GRM7: variants seen among roughly 807,000 people sequenced by gnomAD.
GRM7 encodes glutamate metabotropic receptor 7, also known as metabotropic glutamate receptor 7.
GRM7 carries 35 observed loss-of-function variants against 84.5 expected under a neutral mutation model. The ratio of observed to expected loss-of-function variants is 0.41; its 90% CI spans 0.32 to 0.55. The LOEUF (loss-of-function observed/expected upper bound fraction) is 0.55. Among genes scored for constraint, GRM7 ranks in the 20% least tolerant of loss-of-function variants. The pLI is 0.19. For synonymous variants in GRM7, 487 were observed against 455.1 expected, an observed-to-expected ratio of 1.07 and a Z score of -0.89; for missense variants, 1,003 against 1,194.6, an observed-to-expected ratio of 0.84 and a Z score of 2.36.
intron 9 of GRM7, among the ~76,000 whole-genome samples, chr3:7,719,992 T>A (rs1309400379): frequency 6.6e-6 from 1 of 152,176 alleles, no homozygotes; most frequent in African/African-American, 2.4e-5. Context: ...GTTGTAGTAG[T>A]GGTGGTGGTG....
At chr3:7,438,609 G>T (rs991213929) in intron 5 of GRM7, among the ~76,000 whole-genome samples, 10 of 152,004 alleles carry the variant, frequency 6.6e-5, no homozygotes, top group Non-Finnish European at 1.3e-4. Flanking sequence ...GTGGTTACCA[G>T]AAACCTGGGA....
At chr3:6,869,317 T>C (rs557256666) in intron 1 of GRM7, among the ~76,000 whole-genome samples, 9 of 152,294 alleles carry the variant, frequency 5.9e-5, no homozygotes, top group African/African-American at 2.2e-4. Flanking sequence ...AAAATGTACC[T>C]GTCTGATAGA....
chr3:7,541,204 G>A (rs906915917), intron 7 of GRM7, among the ~76,000 whole-genome samples: 3 of 151,964 alleles, frequency 2.0e-5, no homozygotes, highest in Non-Finnish European at 4.4e-5. Flanking sequence ...ATGTAATATG[G>A]CATTAGGTGA....
At chr3:6,921,835 C>T (rs1206738098) in intron 1 of GRM7, among the ~76,000 whole-genome samples, 1 of 152,090 alleles carries the variant, frequency 6.6e-6, no homozygotes, top group East Asian at 1.9e-4. Flanking sequence ...CCTCTCCCCC[C>T]AAATCACAGA....
intron 7 of GRM7, among the ~76,000 whole-genome samples, chr3:7,566,382 TAACCC>T (rs1459327991): frequency 1.3e-5 from 2 of 152,212 alleles, no homozygotes; most frequent in Non-Finnish European, 2.9e-5. Flanking sequence ...AAATTTAAAA[TAACCC>T]AACTCATTCT....
At chr3:7,576,507 C>A (rs1449300533) in intron 7 of GRM7, among the ~76,000 whole-genome samples, 11 of 152,188 alleles carry the variant, frequency 7.2e-5, no homozygotes, top group Admixed American at 7.2e-4. Flanking sequence ...GAATGTAGTT[C>A]ACATTCAAGC....
At chr3:7,715,200 C>G (rs1701730644) in intron 9 of GRM7, among the ~76,000 whole-genome samples, 1 of 152,274 alleles carries the variant, frequency 6.6e-6, no homozygotes, top group South Asian at 2.1e-4. Flanking sequence ...TGGCTCACAC[C>G]TGCAATCCCA....
intron 1 of GRM7, among the ~76,000 whole-genome samples, chr3:6,948,169 T>TC (rs200767608): frequency 0.23 from 34,689 of 151,224 alleles, 4,152 homozygotes; most frequent in Non-Finnish European, 0.25. Flanking sequence ...TTTAGATCTT[T>TC]CTGCTTTCTC....
chr3:7,108,282 A>T (rs191218834), intron 1 of GRM7, among the ~76,000 whole-genome samples: 1 of 152,178 alleles, frequency 6.6e-6, no homozygotes, highest in Non-Finnish European at 1.5e-5. Flanking sequence ...TGATTGCAGG[A>T]AGAAGTTATA....
intron 8 of GRM7, among the ~76,000 whole-genome samples, chr3:7,670,679 C>CACA (rs1699882500): frequency 6.6e-6 from 1 of 152,210 alleles, no homozygotes; most frequent in Admixed American, 6.5e-5. Context: ...TTGTACTATA[C>CACA]AATGGATATT....
intron 4 of GRM7, among the ~76,000 whole-genome samples, chr3:7,396,006 C>A (rs1324727523): frequency 1.3e-5 from 2 of 152,126 alleles, no homozygotes; most frequent in African/African-American, 4.8e-5. Context: ...CAAAACATCA[C>A]TATGGACCCC....
chr3:6,985,390 A>G (rs1694371312), intron 1 of GRM7, among the ~76,000 whole-genome samples: 1 of 150,886 alleles, frequency 6.6e-6, no homozygotes, highest in Non-Finnish European at 1.5e-5. Flanking sequence ...TAATCATTCT[A>G]CTCTCTGTAT....
intron 4 of GRM7, among the ~76,000 whole-genome samples, chr3:7,379,003 T>C (rs1482216660): frequency 2.6e-5 from 4 of 152,156 alleles, no homozygotes; most frequent in Non-Finnish European, 5.9e-5. Context: ...GGCTAGAAAA[T>C]ACCTTTATAA....
chr3:7,453,170 A>G (rs1697850324), intron 6 of GRM7, among the ~76,000 whole-genome samples: 1 of 152,004 alleles, frequency 6.6e-6, no homozygotes, highest in Admixed American at 6.6e-5. Context: ...CTCTGCTCTC[A>G]TACCACAACA....
intron 9 of GRM7, among the ~76,000 whole-genome samples, chr3:7,692,958 G>C (rs1319945959): frequency 6.6e-6 from 1 of 151,694 alleles, no homozygotes; most frequent in Non-Finnish European, 1.5e-5. Context: ...TGTGGAGTGA[G>C]ATGCATCTTT....
At chr3:7,455,978 C>T (rs1251721380) in intron 6 of GRM7, among the ~76,000 whole-genome samples, 1 of 152,112 alleles carries the variant, frequency 6.6e-6, no homozygotes, top group Non-Finnish European at 1.5e-5. Context: ...ATATGGGGAT[C>T]ATTAGTTTCC....
In GRM7 at chr3:7,202,426, G is replaced by A. The variant is rs144148900; in HGVS notation, c.736+55758G>A. 4.8e-3 allele frequency among the ~76,000 whole-genome samples: 724 copies of A among 152,212 alleles called. 5 individuals carry two copies. The highest frequency in any genetic ancestry group is 0.01 in the Middle Eastern group (3 of 294). Reference sequence around the variant, plus strand: ...GCTTACTGCAACCTCTGCCTCCTGGGTTCAAGTGATTCTCCTGCCTCAGCC... The same window carrying A: ...GCTTACTGCAACCTCTGCCTCCTGGATTCAAGTGATTCTCCTGCCTCAGCC... On this transcript the variant is annotated intron_variant, in intron 2 of 9. Coordinates refer to ENST00000357716, the MANE Select transcript of GRM7 (RefSeq NM_000844.4).
intron 1 of GRM7, among the ~76,000 whole-genome samples, chr3:6,902,850 TACAC>T (rs34849112): frequency 7.1e-4 from 95 of 134,432 alleles, no homozygotes; most frequent in Middle Eastern, 3.7e-3. Context: ...AACAGACTCC[TACAC>T]ACACACACAC....
intron 1 of GRM7, among the ~76,000 whole-genome samples, chr3:7,033,034 G>A (rs188986438): frequency 2.0e-5 from 3 of 152,248 alleles, no homozygotes; most frequent in Admixed American, 2.0e-4. Flanking sequence ...CAATAGAGAT[G>A]GGTCCTTTGG....
Sources: allele counts gnomAD v4.1 joint callset (sites outside exome capture counted in the v4.1 genomes callset), GRCh38; gene constraint gnomAD v4.1.1; transcripts MANE v1.5; gene names NCBI Gene and HGNC (gene_info 2026-07-23, HGNC 2026-07-21).